GALNT14: variants seen among roughly 807,000 people sequenced by gnomAD.
GALNT14 encodes the protein polypeptide N-acetylgalactosaminyltransferase 14.
GALNT14 carries 60 observed loss-of-function variants against 77.5 expected under a neutral mutation model. The ratio of observed to expected loss-of-function variants is 0.77; its 90% CI spans 0.63 to 0.96. The LOEUF is 0.96. Among genes scored for constraint, GALNT14 ranks in the 40% least tolerant of loss-of-function variants. GALNT14 has a pLI of 0.00. For missense variants in GALNT14, 710 were observed against 731.0 expected (o/e 0.97, Z 0.33); for synonymous variants, 280 against 281.7 (o/e 0.99, Z 0.06).
At chr2:30,940,728 C>T (rs1666326543) in intron 9 of GALNT14, among the ~76,000 whole-genome samples, 1 of 152,166 alleles carries the variant, frequency 6.6e-6, no homozygotes, top group South Asian at 2.1e-4. Flanking sequence ...CACCAAAGGT[C>T]CACCTGCTCC....
intron 1 of GALNT14, among the ~76,000 whole-genome samples, chr2:31,127,708 G>A (rs1049630082): frequency 1.3e-5 from 2 of 152,182 alleles, no homozygotes; most frequent in Admixed American, 1.3e-4. Context: ...AGTAGACACT[G>A]CCAAGAAGTT....
intron 1 of GALNT14, among the ~76,000 whole-genome samples, chr2:31,101,628 T>G (rs570228472): frequency 1.9e-4 from 29 of 152,134 alleles, no homozygotes; most frequent in Non-Finnish European, 4.1e-4. Context: ...TTTAGTTTCC[T>G]GTTTATGCCA....
At chr2:30,970,372 A>T (rs916299869) in intron 2 of GALNT14, among the ~76,000 whole-genome samples, 1 of 152,148 alleles carries the variant, frequency 6.6e-6, no homozygotes, top group African/African-American at 2.4e-5. Context: ...GAGCTTCAAG[A>T]CTGTTCCCTG....
intron 1 of GALNT14, among the ~76,000 whole-genome samples, chr2:31,096,093 T>C (rs1304601925): frequency 1.3e-5 from 2 of 152,164 alleles, no homozygotes; most frequent in Admixed American, 6.5e-5. Flanking sequence ...CCAGCAACAA[T>C]GGATCGAGTC....
chr2:31,043,204 A>T (rs1415632369), intron 1 of GALNT14, among the ~76,000 whole-genome samples: 1 of 152,168 alleles, frequency 6.6e-6, no homozygotes, highest in Non-Finnish European at 1.5e-5. Flanking sequence ...CTCCTTAAGT[A>T]AGTGCTCAAA....
chr2:31,108,046 A>C (rs145880333), intron 1 of GALNT14, among the ~76,000 whole-genome samples: 1 of 152,324 alleles, frequency 6.6e-6, no homozygotes, highest in African/African-American at 2.4e-5. Flanking sequence ...GTCCTGTCTC[A>C]TATCTCTGGC....
chr2:30,901,079 G>C, the GALNT14 span, among the ~76,000 whole-genome samples: 17 of 152,192 alleles, frequency 1.1e-4, no homozygotes, highest in African/African-American at 3.9e-4. Flanking sequence ...AACCAACAGA[G>C]AAATCAATGT....
chr2:30,946,010 T>G, intron 6 of GALNT14, 140 bp from the exon 7 acceptor site: 1 of 658,400 alleles, frequency 1.5e-6, no homozygotes, highest in South Asian at 1.8e-5. Flanking sequence ...GGATCTTAAT[T>G]TTTCCATCTA....
At chr2:31,098,306 G>A (rs58588514) in intron 1 of GALNT14, among the ~76,000 whole-genome samples, 5,681 of 152,172 alleles carry the variant, frequency 0.037, 321 homozygotes, top group African/African-American at 0.13. Flanking sequence ...GCTTATTAGC[G>A]GGGGAAAGCC....
intron 1 of GALNT14, among the ~76,000 whole-genome samples, chr2:31,010,706 G>A (rs1189822174): frequency 6.6e-6 from 1 of 152,102 alleles, no homozygotes; most frequent in Non-Finnish European, 1.5e-5. Flanking sequence ...ACTCTTTCCT[G>A]TGGCCCCCAA....
intron 11 of GALNT14, among the ~76,000 whole-genome samples, chr2:30,926,090 ACTT>A (rs905988741): frequency 1.4e-4 from 22 of 152,120 alleles, no homozygotes; most frequent in African/African-American, 5.3e-4. Context: ...TTGCACTATA[ACTT>A]CTTCTTACAG....
chr2:30,983,692 G>C (rs1323179063), intron 2 of GALNT14, among the ~76,000 whole-genome samples: 1 of 152,032 alleles, frequency 6.6e-6, no homozygotes, highest in Non-Finnish European at 1.5e-5. Flanking sequence ...TCTGGGCAAA[G>C]CTAAAATATA....
At chr2:31,130,783 T>TGTGTGTGCGTGC (rs1181788023) in intron 1 of GALNT14, among the ~76,000 whole-genome samples, 1 of 118,634 alleles carries the variant, frequency 8.4e-6, no homozygotes, top group African/African-American at 3.7e-5. Flanking sequence ...TGTGTGTGTG[T>TGTGTGTGCGTGC]GCGCGCGCAC....
intron 1 of GALNT14, among the ~76,000 whole-genome samples, chr2:31,006,569 C>T (rs1670685655): frequency 6.6e-6 from 1 of 152,182 alleles, no homozygotes; most frequent in Non-Finnish European, 1.5e-5. Flanking sequence ...CATGCACAAC[C>T]TTGCAAAGTC....
At position 30,944,862 on chromosome 2, in the gene GALNT14, T is replaced by C. The variant is rs1345459801; in HGVS notation, c.823A>G (p.Ile275Val). ...GCACAGACTCTTCCCACTTACCTGATGGGCTCCGTGGGGTCCAGGCGCCGA... is the reference window on the plus strand; with the variant it reads ...GCACAGACTCTTCCCACTTACCTGACGGGCTCCGTGGGGTCCAGGCGCCGA... ...KARRLDPTEP[I>V]RTPIIAGGLF... The change falls in exon 8 of 15, where the codon ATC (isoleucine) becomes GTC (valine). Residue 275 changes from isoleucine to valine, a missense_variant. Coordinates refer to ENST00000349752, the MANE Select transcript of GALNT14 (RefSeq NM_024572.4). 1 of 1,605,068 alleles carries C rather than the reference T, an allele frequency of 6.2e-7. No individual in the cohort carries two copies.
rs1429787916 is a variant in GALNT14, at chr2:31,138,420, C to A, written c.-334G>T. The A allele has an allele frequency of 8.8e-6, 3 of 340,328 alleles. No homozygotes were observed. Among genetic ancestry groups the A allele is most frequent in the Non-Finnish European group, 1.1e-5 (2 of 188,126 alleles). The allele number at this position is 340,328 out of a possible 1,614,324, so 21.1% of individuals were successfully genotyped here. ...CCGCCGCCGCCGCCGCCGCCTTGCC[C>A]GCTGCCGCCGATAGGGAAACTGACT... On this transcript the variant is annotated 5_prime_UTR_variant, in exon 1 of 15. Transcript: ENST00000349752.
At chr2:30,989,695 A>G (rs946983168) in intron 2 of GALNT14, among the ~76,000 whole-genome samples, 1 of 123,434 alleles carries the variant, frequency 8.1e-6, no homozygotes. Flanking sequence ...ATATATTAGT[A>G]TATATATAAA....
chr2:31,114,967 C>A, intron 1 of GALNT14: 2 of 608,408 alleles, frequency 3.3e-6, no homozygotes, highest in Non-Finnish European at 5.9e-6. Context: ...ACCATCCAGG[C>A]CAGGCACAGT....
chr2:31,035,415 T>C (rs1672654770), intron 1 of GALNT14, among the ~76,000 whole-genome samples: 1 of 151,856 alleles, frequency 6.6e-6, no homozygotes, highest in South Asian at 2.1e-4. Flanking sequence ...TTCTCTTTTG[T>C]TTACTGTGTG....
Sources: gnomAD v4.1 joint callset for allele counts (sites outside exome capture counted in the v4.1 genomes callset) on GRCh38, gnomAD v4.1.1 for gene constraint, MANE v1.5 for transcripts, NCBI Gene and HGNC (gene_info 2026-07-23, HGNC 2026-07-21) for gene names.